Variants in AFG2A observed in about 807,000 individuals in gnomAD.
AFG2A encodes AAA ATPase AFG2A.
chr4:123,107,668 A>C, the AFG2A span, among the ~76,000 whole-genome samples: 1 of 152,142 alleles, frequency 6.6e-6, no homozygotes, highest in Non-Finnish European at 1.5e-5. Flanking sequence ...TGTCACCAGG[A>C]ATGTGCCATC....
chr4:123,128,160 A>T, the AFG2A span, among the ~76,000 whole-genome samples: 2 of 152,218 alleles, frequency 1.3e-5, no homozygotes, highest in East Asian at 1.9e-4. Flanking sequence ...TTTGTGTTCC[A>T]CAAATGATAC....
the AFG2A span, among the ~76,000 whole-genome samples, chr4:123,102,463 G>A: frequency 6.6e-6 from 1 of 151,770 alleles, no homozygotes; most frequent in Non-Finnish European, 1.5e-5. Context: ...TTTCACAGAT[G>A]TCTGATTAGC....
chr4:123,219,873 A>T, the AFG2A span, among the ~76,000 whole-genome samples: 2,035 of 147,062 alleles, frequency 0.014, 17 homozygotes, highest in African/African-American at 0.019. Context: ...TTGAAAAAAA[A>T]TTTTTTTTTT....
the AFG2A span, among the ~76,000 whole-genome samples, chr4:123,118,193 C>T: frequency 6.7e-6 from 1 of 150,198 alleles, no homozygotes; most frequent in Non-Finnish European, 1.5e-5. Flanking sequence ...CCACTGTACC[C>T]CAACCTTTCC....
the AFG2A span, among the ~76,000 whole-genome samples, chr4:123,138,643 TTTAA>T: frequency 3.9e-5 from 6 of 152,096 alleles, no homozygotes; most frequent in Non-Finnish European, 5.9e-5. Context: ...TGTGTAACAC[TTTAA>T]TTATCTATTT....
At chr4:123,072,374 A>G in the AFG2A span, among the ~76,000 whole-genome samples, 1 of 152,168 alleles carries the variant, frequency 6.6e-6, no homozygotes, top group Non-Finnish European at 1.5e-5. Flanking sequence ...GGAAGTCAGA[A>G]TTCTCCATTT....
chr4:123,050,176 T>A, the AFG2A span, among the ~76,000 whole-genome samples: 1 of 152,140 alleles, frequency 6.6e-6, no homozygotes, highest in Admixed American at 6.6e-5. Flanking sequence ...ATGCTTGATA[T>A]GATTTTGACT....
chr4:123,216,663 A>AC, the AFG2A span, among the ~76,000 whole-genome samples: 26 of 90,770 alleles, frequency 2.9e-4, no homozygotes, highest in Non-Finnish European at 4.3e-4. Context: ...TATTATTTTT[A>AC]CTTTTTTTTT....
the AFG2A span, among the ~76,000 whole-genome samples, chr4:122,975,032 G>C: frequency 6.6e-6 from 1 of 152,156 alleles, no homozygotes; most frequent in East Asian, 1.9e-4. Flanking sequence ...TAACTAATGA[G>C]GATGTCGAGT....
chr4:123,095,990 G>A, the AFG2A span, among the ~76,000 whole-genome samples: 1 of 152,038 alleles, frequency 6.6e-6, no homozygotes, highest in Admixed American at 6.6e-5. Flanking sequence ...ATGTCTTCTG[G>A]GGAGACTAAA....
chr4:123,200,545 C>T, the AFG2A span, among the ~76,000 whole-genome samples: 1 of 152,198 alleles, frequency 6.6e-6, no homozygotes, highest in African/African-American at 2.4e-5. Context: ...AAAGCTTGTG[C>T]TTGACCATGG....
the AFG2A span, among the ~76,000 whole-genome samples, chr4:123,156,849 G>C: frequency 6.6e-6 from 1 of 151,198 alleles, no homozygotes; most frequent in Non-Finnish European, 1.5e-5. Flanking sequence ...GTAGGCTGCT[G>C]TTCATAGAGA....
At chr4:122,931,835 C>T in the AFG2A span, among the ~76,000 whole-genome samples, 1 of 152,168 alleles carries the variant, frequency 6.6e-6, no homozygotes, top group Non-Finnish European at 1.5e-5. Context: ...TTTTTTGCTG[C>T]TCTTCCATGT....
chr4:123,223,007 T>C, the AFG2A span, among the ~76,000 whole-genome samples: 1 of 152,194 alleles, frequency 6.6e-6, no homozygotes, highest in Non-Finnish European at 1.5e-5. Flanking sequence ...GTGAGGGTGC[T>C]AATATGTCTT....
At chr4:123,293,782 A>G in the AFG2A span, among the ~76,000 whole-genome samples, 8 of 152,230 alleles carry the variant, frequency 5.3e-5, no homozygotes, top group South Asian at 2.1e-4. Context: ...GCCTGAGTTC[A>G]GATGCCAGCA....
At chr4:123,086,115 T>C in the AFG2A span, among the ~76,000 whole-genome samples, 1 of 152,106 alleles carries the variant, frequency 6.6e-6, no homozygotes, top group Non-Finnish European at 1.5e-5. Flanking sequence ...AATTAAAGTT[T>C]TTATCTTCTT....
At chr4:123,253,351 G>T in the AFG2A span, among the ~76,000 whole-genome samples, 1,989 of 152,226 alleles carry the variant, frequency 0.013, 39 homozygotes, top group African/African-American at 0.045. Context: ...AGGCGTGGTG[G>T]TGGGCGCCTG....
chr4:123,290,323 G>A, the AFG2A span, among the ~76,000 whole-genome samples: 1 of 152,074 alleles, frequency 6.6e-6, no homozygotes, highest in Non-Finnish European at 1.5e-5. Context: ...TATTTTTACA[G>A]TTTCAGTTCT....
the AFG2A span, among the ~76,000 whole-genome samples, chr4:123,000,021 T>C: frequency 6.6e-6 from 1 of 152,128 alleles, no homozygotes; most frequent in South Asian, 2.1e-4. Context: ...GTCCTTCACG[T>C]CCCTTGTAAG....
Sources: gnomAD v4.1 joint callset for allele counts (sites outside exome capture counted in the v4.1 genomes callset) on GRCh38, gnomAD v4.1.1 for gene constraint, MANE v1.5 for transcripts, NCBI Gene and HGNC (gene_info 2026-07-23, HGNC 2026-07-21) for gene names.